BNC2: variants seen among roughly 807,000 people sequenced by gnomAD.
BNC2 encodes zinc finger protein basonuclin-2.
In BNC2, 20 loss-of-function variants were observed where a neutral mutation model predicts 76.3. The ratio of observed to expected loss-of-function variants is 0.26; its 90% CI spans 0.18 to 0.38. The LOEUF (loss-of-function observed/expected upper bound fraction) is 0.38. Among genes scored for constraint, BNC2 ranks in the 10% least tolerant of loss-of-function variants. BNC2 has a pLI of 1.00. For missense variants in BNC2, 1,382 were observed against 1,399.8 expected (o/e 0.99, Z 0.20); for synonymous variants, 582 against 514.8 (o/e 1.13, Z -1.77).
chr9:16,696,346 T>A (rs1173345012), intron 3 of BNC2, among the ~76,000 whole-genome samples: 1 of 152,206 alleles, frequency 6.6e-6, no homozygotes, highest in African/African-American at 2.4e-5. Context: ...TTAGAATATT[T>A]TATGTCTCTT....
At chr9:16,645,140 CAATT>C (rs1821587788) in intron 3 of BNC2, among the ~76,000 whole-genome samples, 1 of 152,066 alleles carries the variant, frequency 6.6e-6, no homozygotes, top group Non-Finnish European at 1.5e-5. Flanking sequence ...AAAAAGATAA[CAATT>C]AATAATGTTC....
chr9:16,678,328 G>T (rs1475571985), intron 3 of BNC2, among the ~76,000 whole-genome samples: 2 of 132,690 alleles, frequency 1.5e-5, no homozygotes, highest in Non-Finnish European at 3.0e-5. Flanking sequence ...GCCCAGGCTG[G>T]AGTGCAGTGG....
At position 16,457,305 on chromosome 9, in the gene BNC2, G is replaced by T. The variant is rs951551561; in HGVS notation, c.670-19781C>A. Among the ~76,000 whole-genome samples the T allele has an allele frequency of 3.3e-5, 5 of 151,990 alleles. No homozygotes were observed. The East Asian group carries it at 9.7e-4, about 29-fold the overall frequency. ...TGGAATCTTATGTAAGTTAGTTTTG[G>T]GGGGACTAACTTACTTAGGGACCTG... On this transcript the variant is annotated intron_variant, in intron 5 of 6. Coordinates refer to ENST00000380672, the MANE Select transcript of BNC2 (RefSeq NM_017637.6).
At chr9:16,604,661 C>T (rs899320076) in intron 3 of BNC2, among the ~76,000 whole-genome samples, 4 of 151,758 alleles carry the variant, frequency 2.6e-5, no homozygotes, top group Non-Finnish European at 4.4e-5. Flanking sequence ...CACAATTAGC[C>T]GGGCGTGGTG....
At chr9:16,670,214 G>C (rs1024693621) in intron 3 of BNC2, among the ~76,000 whole-genome samples, 1 of 152,108 alleles carries the variant, frequency 6.6e-6, no homozygotes, top group Non-Finnish European at 1.5e-5. Context: ...GAAAATGCCA[G>C]TAAAGATTTG....
intron 5 of BNC2, among the ~76,000 whole-genome samples, chr9:16,473,634 A>T (rs927992055): frequency 2.0e-5 from 3 of 152,108 alleles, no homozygotes; most frequent in African/African-American, 7.2e-5. Context: ...GCACTTTGGG[A>T]GGCTGAGGCA....
At chr9:16,457,657 A>G (rs1427157061) in intron 5 of BNC2, among the ~76,000 whole-genome samples, 1 of 152,192 alleles carries the variant, frequency 6.6e-6, no homozygotes. Flanking sequence ...TTTGCCTAGC[A>G]TGGACCAAAA....
intron 5 of BNC2, among the ~76,000 whole-genome samples, chr9:16,540,629 T>C (rs1369008478): frequency 6.6e-6 from 1 of 152,208 alleles, no homozygotes; most frequent in Non-Finnish European, 1.5e-5. Flanking sequence ...ATGGCCTTGC[T>C]TAATTAAAAT....
intron 1 of BNC2, among the ~76,000 whole-genome samples, chr9:16,846,618 A>G (rs1210550417): frequency 6.6e-6 from 1 of 152,200 alleles, no homozygotes; most frequent in Non-Finnish European, 1.5e-5. Flanking sequence ...CAAGGACCAC[A>G]TATTTTCATA....
intron 4 of BNC2, among the ~76,000 whole-genome samples, chr9:16,553,303 G>A (rs967005005): frequency 6.6e-6 from 1 of 152,180 alleles, no homozygotes; most frequent in African/African-American, 2.4e-5. Context: ...CTAATTTGGA[G>A]GGAATAAGGA....
intron 5 of BNC2, among the ~76,000 whole-genome samples, chr9:16,453,501 T>C (rs1821383976): frequency 6.6e-6 from 1 of 152,226 alleles, no homozygotes; most frequent in Non-Finnish European, 1.5e-5. Flanking sequence ...CCAAGCTTAG[T>C]AATGGCTCAC....
chr9:16,508,088 T>C (rs1822669932), intron 5 of BNC2, among the ~76,000 whole-genome samples: 1 of 152,142 alleles, frequency 6.6e-6, no homozygotes, highest in Non-Finnish European at 1.5e-5. Flanking sequence ...TGAAGTCTAG[T>C]GAGAGAGATA....
intron 3 of BNC2, among the ~76,000 whole-genome samples, chr9:16,691,479 C>T (rs1472354577): frequency 1.3e-5 from 2 of 149,588 alleles, no homozygotes; most frequent in African/African-American, 4.9e-5. Context: ...GTCACTTGTA[C>T]CAGATCCACG....
At chr9:16,700,979 GT>G (rs1823494385) in intron 3 of BNC2, among the ~76,000 whole-genome samples, 1 of 152,130 alleles carries the variant, frequency 6.6e-6, no homozygotes, top group Non-Finnish European at 1.5e-5. Context: ...AGCTTTTCCT[GT>G]GAATTCCACA....
chr9:16,515,225 T>A (rs1257206091), intron 5 of BNC2, among the ~76,000 whole-genome samples: 1 of 152,180 alleles, frequency 6.6e-6, no homozygotes, highest in East Asian at 1.9e-4. Flanking sequence ...AAGCCAATAG[T>A]CTGTGGCTGT....
chr9:16,479,950 T>TCCC (rs887425202), intron 5 of BNC2, among the ~76,000 whole-genome samples: 3 of 152,190 alleles, frequency 2.0e-5, no homozygotes, highest in Non-Finnish European at 1.5e-5. Flanking sequence ...CTACTTGTGG[T>TCCC]CCCCCATGAA....
At chr9:16,423,735 C>CTA (rs1232752681) in intron 6 of BNC2, among the ~76,000 whole-genome samples, 4 of 152,128 alleles carry the variant, frequency 2.6e-5, no homozygotes, top group Non-Finnish European at 4.4e-5. Flanking sequence ...GATCCTGACG[C>CTA]TATTAATACC....
intron 3 of BNC2, among the ~76,000 whole-genome samples, chr9:16,684,403 C>G (rs1822915507): frequency 6.6e-6 from 1 of 152,160 alleles, no homozygotes; most frequent in Admixed American, 6.5e-5. Context: ...CCAGACAGTA[C>G]CAGTTTGGGG....
intron 5 of BNC2, among the ~76,000 whole-genome samples, chr9:16,463,492 T>G (rs10962426): frequency 0.5 from 71,363 of 142,976 alleles, 19,122 homozygotes; most frequent in African/African-American, 0.67. Context: ...GAGACGGGGT[T>G]TCACCGTTTT....
Sources: allele counts gnomAD v4.1 joint callset (sites outside exome capture counted in the v4.1 genomes callset), GRCh38; gene constraint gnomAD v4.1.1; transcripts MANE v1.5; gene names NCBI Gene and HGNC (gene_info 2026-07-23, HGNC 2026-07-21).